STRN: variants seen among roughly 807,000 people sequenced by gnomAD.
The protein encoded by STRN is striatin.
Under a neutral mutation model 96.3 loss-of-function variants are expected in STRN, and 53 were observed. The ratio of observed to expected loss-of-function variants is 0.55; its 90% CI spans 0.44 to 0.69. STRN has a LOEUF of 0.69. STRN is among the 30% of genes least tolerant of loss of function. STRN has a pLI of 0.00. For missense variants in STRN, 987 were observed against 963.9 expected (o/e 1.02, Z -0.32); for synonymous variants, 428 against 355.9 (o/e 1.20, Z -2.28).
At chr2:36,870,413 G>A (rs1472555255) in intron 10 of STRN, among the ~76,000 whole-genome samples, 1 of 152,084 alleles carries the variant, frequency 6.6e-6, no homozygotes, top group Non-Finnish European at 1.5e-5. Flanking sequence ...ACACTCCAAG[G>A]CTAGCAATCA....
intron 7 of STRN, among the ~76,000 whole-genome samples, chr2:36,892,933 T>A (rs560872005): frequency 1.3e-5 from 2 of 152,052 alleles, no homozygotes; most frequent in East Asian, 3.9e-4. Context: ...GGCATGAGAA[T>A]TGCTTGAACC....
rs945663457 is a variant in STRN at position 36,840,634 on chromosome 2, C to T, written c.*8822G>A. On this transcript the variant is annotated 3_prime_UTR_variant, in exon 18 of 18. Transcript: ENST00000263918. Reference sequence around the variant, plus strand: ...CAGCCAACAAATATTTATAGGGTACCTTTTATATGGCAAGGCACCAGGCAC... The same window carrying T: ...CAGCCAACAAATATTTATAGGGTACTTTTTATATGGCAAGGCACCAGGCAC... The T allele has an allele frequency of 6.6e-6, 1 of 150,900 alleles. No individual in the cohort carries two copies. Among genetic ancestry groups the T allele is most frequent in the African/African-American group, 2.4e-5 (1 of 40,990 alleles). The allele number at this position is 150,900 out of a possible 1,614,324, so 9.3% of individuals were successfully genotyped here.
At chr2:36,898,163 G>A (rs1202743407) in intron 6 of STRN, among the ~76,000 whole-genome samples, 2 of 152,022 alleles carry the variant, frequency 1.3e-5, no homozygotes, top group African/African-American at 4.8e-5. Context: ...CAGAAACATA[G>A]CATCATGATT....
rs1250544079 is a variant in STRN at position 36,846,132 on chromosome 2, G to C, written c.*3324C>G. On this transcript the variant is annotated 3_prime_UTR_variant, in exon 18 of 18. Transcript: ENST00000263918. Reference sequence around the variant, plus strand: ...TGTTCAATGGAAATAGTTCAGTACTGAGAATAAAATATTTTTCAATTCACA... The same window carrying C: ...TGTTCAATGGAAATAGTTCAGTACTCAGAATAAAATATTTTTCAATTCACA... The C allele has an allele frequency of 6.6e-6, 1 of 150,668 alleles. No individual in the cohort carries two copies. Among genetic ancestry groups the C allele is most frequent in the Non-Finnish European group, 1.5e-5 (1 of 67,796 alleles). The allele number at this position is 150,668 out of a possible 1,614,324, so 9.3% of individuals were successfully genotyped here.
At chr2:36,947,917 G>T (rs1365376013) in intron 1 of STRN, among the ~76,000 whole-genome samples, 3 of 151,556 alleles carry the variant, frequency 2.0e-5, no homozygotes, top group Admixed American at 6.6e-5. Flanking sequence ...ATTTTCATGG[G>T]ACACTAAGGG....
At chr2:36,952,055 G>GCA (rs142923138) in intron 1 of STRN, among the ~76,000 whole-genome samples, 3 of 151,500 alleles carry the variant, frequency 2.0e-5, no homozygotes, top group South Asian at 2.1e-4. Context: ...ACACACGCAC[G>GCA]CACACACACA....
intron 1 of STRN, among the ~76,000 whole-genome samples, chr2:36,925,732 C>G (rs1046343912): frequency 4.6e-5 from 7 of 152,152 alleles, no homozygotes; most frequent in Non-Finnish European, 1.0e-4. Context: ...GAGATCACGC[C>G]TCTGCACTCC....
chr2:36,940,180 G>A (rs1670809958), intron 1 of STRN, among the ~76,000 whole-genome samples: 1 of 152,166 alleles, frequency 6.6e-6, no homozygotes, highest in African/African-American at 2.4e-5. Flanking sequence ...GATATATGTA[G>A]TAAACATATT....
intron 11 of STRN, among the ~76,000 whole-genome samples, chr2:36,868,080 C>A (rs1484593967): frequency 6.6e-6 from 1 of 152,116 alleles, no homozygotes; most frequent in Non-Finnish European, 1.5e-5. Context: ...GTATTTTTAG[C>A]CCTGTCATAA....
rs746287918 is a variant in STRN, at chr2:36,916,071, A to G, written c.412+7T>C. ...TAACACTTAAACTTCCATTAAAATT[A>G]GCTTACCAGAATCATAGCTTGGAGG... On this transcript the variant is annotated splice_region_variant and intron_variant, in intron 3 of 17. Coordinates refer to ENST00000263918, the MANE Select transcript of STRN (RefSeq NM_003162.4). The G allele has an allele frequency of 3.7e-6, 6 of 1,609,690 alleles. No individual in the cohort carries two copies. The highest frequency in any genetic ancestry group is 1.7e-5 in the Admixed American group (1 of 59,948).
intron 1 of STRN, among the ~76,000 whole-genome samples, chr2:36,941,644 G>C (rs778552599): frequency 6.6e-6 from 1 of 151,360 alleles, no homozygotes; most frequent in Non-Finnish European, 1.5e-5. Flanking sequence ...CTGCCTCCCG[G>C]GTTCAAGCAA....
chr2:36,878,143 G>A (rs546826814), intron 9 of STRN, 116 bp from the exon 10 acceptor site: 1 of 1,123,906 alleles, frequency 8.9e-7, no homozygotes. Context: ...GTTTTTAAAT[G>A]CTTTTAAACA....
intron 1 of STRN, among the ~76,000 whole-genome samples, chr2:36,941,716 A>ATTTTT (rs34746648): frequency 7.4e-6 from 1 of 134,850 alleles, no homozygotes; most frequent in African/African-American, 2.8e-5. Flanking sequence ...CACCCAGCTA[A>ATTTTT]TTTTTTTTTT....
intron 5 of STRN, among the ~76,000 whole-genome samples, chr2:36,901,278 C>T (rs866602984): frequency 6.6e-6 from 1 of 152,014 alleles, no homozygotes; most frequent in African/African-American, 2.4e-5. Flanking sequence ...ATTGGCCAGG[C>T]GTGGGGGCTC....
intron 2 of STRN, 125 bp downstream of exon 2, chr2:36,924,980 C>A: frequency 2.8e-6 from 2 of 719,626 alleles, no homozygotes; most frequent in Non-Finnish European, 4.7e-6. Flanking sequence ...TGCTTGAAAC[C>A]GGGAGGCGGA....
rs563276360 is a variant in STRN at position 36,938,507 on chromosome 2, C to G, written c.235-13299G>C. 2.0e-5 allele frequency among the ~76,000 whole-genome samples: 3 copies of G among 152,088 alleles called. No homozygotes were observed. The East Asian group carries it at 5.8e-4, about 29-fold the overall frequency. On this transcript the variant is annotated intron_variant, in intron 1 of 17. Transcript: ENST00000263918. Reference sequence around the variant, plus strand: ...CTTTTCAAGGGTAGTACTAGTATAGCTCAAACCTGGTTTGAATTCCAGCTT... The same window carrying G: ...CTTTTCAAGGGTAGTACTAGTATAGGTCAAACCTGGTTTGAATTCCAGCTT...
intron 1 of STRN, among the ~76,000 whole-genome samples, chr2:36,948,458 T>G (rs1289418555): frequency 6.6e-6 from 1 of 152,182 alleles, no homozygotes; most frequent in Admixed American, 6.6e-5. Flanking sequence ...ACTTGCATTA[T>G]TAGCCAAGAA....
In STRN at chr2:36,939,581, G is replaced by A. The variant is rs376522761; in HGVS notation, c.235-14373C>T. Among the ~76,000 whole-genome samples, 10 of 151,866 alleles carry A rather than the reference G, an allele frequency of 6.6e-5. 1 individual carries two copies. The South Asian group carries it at 2.1e-3, about 32-fold the overall frequency. ...TATTTTTTGCAGTGACAGGGTCTCA[G>A]TATGCTACCCAGACTGGTCCCAAAC... On this transcript the variant is annotated intron_variant, in intron 1 of 17. Coordinates refer to ENST00000263918, the MANE Select transcript of STRN (RefSeq NM_003162.4).
chr2:36,940,174 T>C (rs1040982290), intron 1 of STRN, among the ~76,000 whole-genome samples: 2 of 152,234 alleles, frequency 1.3e-5, no homozygotes, highest in Admixed American at 6.5e-5. Context: ...AGTTAAGATA[T>C]ATGTAGTAAA....
Sources: allele counts gnomAD v4.1 joint callset (sites outside exome capture counted in the v4.1 genomes callset), GRCh38; gene constraint gnomAD v4.1.1; transcripts MANE v1.5; gene names NCBI Gene and HGNC (gene_info 2026-07-23, HGNC 2026-07-21).